RPA3: variants seen among roughly 807,000 people sequenced by gnomAD.
RPA3 encodes replication protein A3.
A neutral mutation model predicts 13.7 loss-of-function variants in RPA3; 24 were observed. That is an observed-to-expected ratio of 1.75 (90% CI 1.27 to 2.46). The LOEUF (loss-of-function observed/expected upper bound fraction) is 2.46, where lower values mean the gene tolerates loss of function less well. RPA3 is among the 30% of genes most tolerant of loss of function. The pLI is 0.00. For missense variants in RPA3, 183 were observed against 151.0 expected (o/e 1.21, Z -1.11); for synonymous variants, 59 against 51.2 (o/e 1.15, Z -0.65).
At chr7:7,638,067 T>A in intron 6 of RPA3, 95 bp from the exon 7 acceptor site, 3 of 762,328 alleles carry the variant, frequency 3.9e-6, no homozygotes, top group Non-Finnish European at 6.3e-6. Context: ...ATCTATCACT[T>A]CAAGTAACAA....
chr7:7,638,112 A>C, intron 6 of RPA3, 140 bp from the exon 7 acceptor site: 1 of 531,446 alleles, frequency 1.9e-6, no homozygotes, highest in Non-Finnish European at 3.3e-6. Flanking sequence ...AAAAGTTAAA[A>C]TGTAACTTGT....
intron 4 of RPA3, among the ~76,000 whole-genome samples, chr7:7,642,017 T>A (rs561340157): frequency 6.6e-6 from 1 of 152,354 alleles, no homozygotes; most frequent in Admixed American, 6.5e-5. Flanking sequence ...GTGGTTGTAT[T>A]GGTGCAAGTC....
At chr7:7,665,205 A>C (rs907995385) in intron 4 of RPA3, among the ~76,000 whole-genome samples, 14 of 152,210 alleles carry the variant, frequency 9.2e-5, no homozygotes, top group African/African-American at 3.1e-4. Flanking sequence ...AATATTACTT[A>C]AAAGGGAAGC....
At chr7:7,687,775 T>C (rs1021573189) in intron 2 of RPA3, among the ~76,000 whole-genome samples, 71 of 152,350 alleles carry the variant, frequency 4.7e-4, no homozygotes, top group African/African-American at 1.7e-3. Context: ...AAGTATTAAA[T>C]ACATGATATT....
intron 2 of RPA3, among the ~76,000 whole-genome samples, chr7:7,692,872 G>C (rs28912717): frequency 6.6e-6 from 1 of 152,324 alleles, no homozygotes; most frequent in East Asian, 1.9e-4. Flanking sequence ...TTCCCACAGG[G>C]CTGGGATTAC....
At position 7,640,276 on chromosome 7, in the gene RPA3, C is replaced by T. The variant is rs1412938596; in HGVS notation, c.99+44G>A. The T allele has an allele frequency of 6.9e-6, 11 of 1,598,238 alleles. No homozygotes were observed. In the African/African-American group the frequency reaches 1.1e-4, roughly 16 times the overall value. ...CCCGTTATCCAGGCGGGGTCCCTCC[C>T]TCCAGCTACGGACTTGGGAGCCCAT... On this transcript the variant is annotated intron_variant, in intron 5 of 7. Transcript: ENST00000223129.
In RPA3 at chr7:7,639,081, A is replaced by G. The variant is rs771648854; in HGVS notation, c.163T>C (p.Leu55=). The change falls in exon 6 of 8, where the codon TTG becomes CTG. Residue 55 remains leucine, a synonymous_variant. Coordinates refer to ENST00000223129, the MANE Select transcript of RPA3 (RefSeq NM_002947.5). ...ACACTTAAACATACGGGTTCCATCA[A>G]CTCGATGGTTCCATTTTTTCCTTCT... is the stretch of plus-strand genomic sequence containing the variant. ...DGEGKNGTIE[L]MEPLDEEISG... The G allele has an allele frequency of 6.2e-6, 10 of 1,612,302 alleles. No homozygotes were observed. In the South Asian group the frequency reaches 9.9e-5, roughly 16 times the overall value.
chr7:7,643,638 A>G (rs924133391), intron 4 of RPA3, among the ~76,000 whole-genome samples: 14 of 151,388 alleles, frequency 9.2e-5, no homozygotes, highest in African/African-American at 3.2e-4. Context: ...CGTGAACCCG[A>G]GAGGCGGAGC....
chr7:7,710,946 C>T (rs529511482), intron 2 of RPA3, among the ~76,000 whole-genome samples: 1 of 152,272 alleles, frequency 6.6e-6, no homozygotes, highest in Non-Finnish European at 1.5e-5. Context: ...CTAAAGGTAA[C>T]GTACTGTATG....
intron 1 of RPA3, among the ~76,000 whole-genome samples, chr7:7,717,959 T>C (rs1271498992): frequency 6.6e-6 from 1 of 152,254 alleles, no homozygotes; most frequent in African/African-American, 2.4e-5. Context: ...CACAGAGTGC[T>C]GTAGATTCTG....
intron 4 of RPA3, among the ~76,000 whole-genome samples, chr7:7,663,248 G>A (rs889558944): frequency 6.8e-6 from 1 of 147,126 alleles, no homozygotes; most frequent in Non-Finnish European, 1.5e-5. Flanking sequence ...GGAACTTGCA[G>A]TTTGAAGCAA....
At position 7,639,153 on chromosome 7, in the gene RPA3, G is replaced by A. The variant is rs1308453585; in HGVS notation, c.100-9C>T. 1.9e-6 allele frequency: 3 copies of A among 1,601,806 alleles called. No individual in the cohort carries two copies. Among genetic ancestry groups the A allele is most frequent in the East Asian group, 2.2e-5 (1 of 44,692 alleles). On this transcript the variant is annotated splice_polypyrimidine_tract_variant and intron_variant, in intron 5 of 7. Transcript: ENST00000223129. ...TTTCCGGTGGGATGAATCTAAAAAC[G>A]AAACATATAATTAAAATCTCACTAA...
intron 4 of RPA3, among the ~76,000 whole-genome samples, chr7:7,653,136 T>C (rs28916271): frequency 0.064 from 9,711 of 152,314 alleles, 412 homozygotes; most frequent in Middle Eastern, 0.13. Flanking sequence ...CTGAATTCTT[T>C]TGCAGGGTGT....
intron 4 of RPA3, among the ~76,000 whole-genome samples, chr7:7,679,883 A>C (rs1420562548): frequency 6.6e-6 from 1 of 151,206 alleles, no homozygotes; most frequent in African/African-American, 2.4e-5. Context: ...TTAAAATTGG[A>C]TTATTTTATT....
chr7:7,650,889 C>T (rs996619246), intron 4 of RPA3, among the ~76,000 whole-genome samples: 2 of 152,296 alleles, frequency 1.3e-5, no homozygotes, highest in Non-Finnish European at 2.9e-5. Context: ...TGCTGTCCCT[C>T]CCCAACACTT....
intron 4 of RPA3, among the ~76,000 whole-genome samples, chr7:7,680,773 T>C (rs1779889748): frequency 6.6e-6 from 1 of 152,154 alleles, no homozygotes; most frequent in Non-Finnish European, 1.5e-5. Context: ...TGGTTATATT[T>C]ATTCCTAAGT....
At chr7:7,649,898 T>C (rs1454333851) in intron 4 of RPA3, among the ~76,000 whole-genome samples, 1 of 152,210 alleles carries the variant, frequency 6.6e-6, no homozygotes, top group African/African-American at 2.4e-5. Context: ...TATGAAATTA[T>C]AGTGAAAAGA....
intron 4 of RPA3, among the ~76,000 whole-genome samples, chr7:7,661,552 C>T (rs1785474412): frequency 6.6e-6 from 1 of 152,174 alleles, no homozygotes; most frequent in African/African-American, 2.4e-5. Context: ...AGTTTTCCTT[C>T]TGACAGGCCC....
chr7:7,656,322 T>TG (rs1449609977), intron 4 of RPA3, among the ~76,000 whole-genome samples: 2 of 152,184 alleles, frequency 1.3e-5, no homozygotes, highest in African/African-American at 4.8e-5. Context: ...AAATTTTTTT[T>TG]TTGTTTTATT....
Sources: allele counts gnomAD v4.1 joint callset (sites outside exome capture counted in the v4.1 genomes callset), GRCh38; gene constraint gnomAD v4.1.1; transcripts MANE v1.5; gene names NCBI Gene and HGNC (gene_info 2026-07-23, HGNC 2026-07-21).